Variants in SCAPER observed in about 807,000 individuals in gnomAD.
SCAPER encodes the protein S phase cyclin A-associated protein in the endoplasmic reticulum.
SCAPER carries 98 observed loss-of-function variants against 182.2 expected under a neutral mutation model. The observed-to-expected ratio is 0.54, with a 90% CI of 0.46 to 0.64. The LOEUF (loss-of-function observed/expected upper bound fraction) is 0.64, where lower values mean the gene tolerates loss of function less well. Ranked by LOEUF, SCAPER falls within the 30% of genes least tolerant of loss-of-function variation. The probability of loss-of-function intolerance (pLI) is 0.00; values close to 1 mark genes in which losing one functional copy is unlikely to be tolerated. For missense variants in SCAPER, 1,432 were observed against 1,690.0 expected (o/e 0.85, Z 2.68); for synonymous variants, 605 against 564.6 (o/e 1.07, Z -1.01).
intron 23 of SCAPER, among the ~76,000 whole-genome samples, chr15:76,573,788 G>T (rs116250802): frequency 0.011 from 1,603 of 152,110 alleles, 29 homozygotes; most frequent in African/African-American, 0.037. Context: ...AGGGGATATT[G>T]GTGTTTTGTA....
At chr15:76,528,502 C>T (rs1331336617) in intron 23 of SCAPER, among the ~76,000 whole-genome samples, 1 of 152,192 alleles carries the variant, frequency 6.6e-6, no homozygotes, top group Admixed American at 6.5e-5. Flanking sequence ...CTGAATGGCA[C>T]CACCATCCAT....
intron 21 of SCAPER, among the ~76,000 whole-genome samples, chr15:76,629,157 G>C (rs2052860061): frequency 6.6e-6 from 1 of 152,192 alleles, no homozygotes; most frequent in African/African-American, 2.4e-5. Context: ...GAAGCTTTTG[G>C]GCTGAGACAA....
intron 24 of SCAPER, among the ~76,000 whole-genome samples, chr15:76,494,576 T>C (rs908728205): frequency 3.5e-4 from 53 of 152,338 alleles, no homozygotes; most frequent in African/African-American, 1.2e-3. Flanking sequence ...GTGAAAGTTT[T>C]ATGTTCATAA....
At chr15:76,794,586 G>A (rs771387406) in intron 8 of SCAPER, among the ~76,000 whole-genome samples, 12 of 152,154 alleles carry the variant, frequency 7.9e-5, no homozygotes, top group Non-Finnish European at 1.3e-4. Flanking sequence ...TTTCTGAACC[G>A]AAAAGTTCCA....
intron 8 of SCAPER, among the ~76,000 whole-genome samples, chr15:76,782,223 CAG>C (rs764058972): frequency 1.3e-5 from 2 of 151,568 alleles, no homozygotes; most frequent in Non-Finnish European, 2.9e-5. Flanking sequence ...CAAAAAAAAA[CAG>C]GGGTTGCAAT....
chr15:76,877,851 T>C (rs978645402), intron 2 of SCAPER, among the ~76,000 whole-genome samples: 33 of 152,164 alleles, frequency 2.2e-4, no homozygotes, highest in Admixed American at 2.0e-3. Flanking sequence ...TAATGACAAA[T>C]TTTGAATATC....
intron 29 of SCAPER, among the ~76,000 whole-genome samples, chr15:76,372,528 A>G (rs936669450): frequency 1.3e-5 from 2 of 152,228 alleles, no homozygotes; most frequent in Non-Finnish European, 2.9e-5. Context: ...CAGCATCAGC[A>G]GAAAAACCGT....
chr15:76,496,557 T>C (rs2040566255), intron 24 of SCAPER, among the ~76,000 whole-genome samples: 1 of 152,206 alleles, frequency 6.6e-6, no homozygotes, highest in Non-Finnish European at 1.5e-5. Flanking sequence ...ATGTTCTTTT[T>C]AAGTGTGTTT....
intron 21 of SCAPER, among the ~76,000 whole-genome samples, chr15:76,641,179 C>A (rs2146378806): frequency 6.6e-6 from 1 of 152,288 alleles, no homozygotes; most frequent in East Asian, 1.9e-4. Context: ...GCAACTGTTA[C>A]TGCTGATTAA....
chr15:76,539,940 C>G (rs1401143484), intron 23 of SCAPER, among the ~76,000 whole-genome samples: 1 of 152,120 alleles, frequency 6.6e-6, no homozygotes, highest in Non-Finnish European at 1.5e-5. Flanking sequence ...TACTGAAACA[C>G]TGAAACAGCA....
intron 17 of SCAPER, among the ~76,000 whole-genome samples, chr15:76,712,528 C>A (rs1478018782): frequency 6.6e-6 from 1 of 152,156 alleles, no homozygotes; most frequent in Non-Finnish European, 1.5e-5. Flanking sequence ...TTACCTTGGG[C>A]AGTATGGCCA....
At chr15:76,635,433 A>G (rs1286032913) in intron 21 of SCAPER, among the ~76,000 whole-genome samples, 2 of 151,748 alleles carry the variant, frequency 1.3e-5, no homozygotes, top group East Asian at 3.9e-4. Flanking sequence ...CCAGGAATTG[A>G]TTTTTTTTTC....
chr15:76,613,189 T>C (rs1218411640), intron 22 of SCAPER, among the ~76,000 whole-genome samples: 1 of 152,130 alleles, frequency 6.6e-6, no homozygotes, highest in Non-Finnish European at 1.5e-5. Context: ...CCCTATTCAA[T>C]AAATGGTGTG....
At chr15:76,777,582 T>C (rs1028859108) in intron 8 of SCAPER, among the ~76,000 whole-genome samples, 9 of 152,132 alleles carry the variant, frequency 5.9e-5, no homozygotes, top group Non-Finnish European at 1.2e-4. Flanking sequence ...TAATCCGAGC[T>C]ACTTGGGAGA....
At chr15:76,551,021 C>G (rs1334015951) in intron 23 of SCAPER, among the ~76,000 whole-genome samples, 1 of 151,926 alleles carries the variant, frequency 6.6e-6, no homozygotes, top group African/African-American at 2.4e-5. Context: ...TCCTCTGACC[C>G]CATCTAGAAT....
intron 1 of SCAPER, among the ~76,000 whole-genome samples, chr15:76,888,169 T>G (rs1275360709): frequency 6.6e-6 from 1 of 152,222 alleles, no homozygotes; most frequent in Non-Finnish European, 1.5e-5. Flanking sequence ...AAACCTCATC[T>G]GTAGGTCACC....
At chr15:76,676,835 G>A (rs540467074) in intron 20 of SCAPER, among the ~76,000 whole-genome samples, 7 of 151,060 alleles carry the variant, frequency 4.6e-5, no homozygotes, top group Admixed American at 2.0e-4. Flanking sequence ...TGTTAATACA[G>A]CAGGCATTAC....
In SCAPER at chr15:76,817,813, A is replaced by T. The variant is rs75728384; in HGVS notation, c.394-13180T>A. On this transcript the variant is annotated intron_variant, in intron 5 of 31. Transcript: ENST00000563290. ...ATTAGGAAAACAACAAAACTCTGAT[A>T]AAAAAAATTAGAAAACTAAGTAAAT... 7.9e-3 allele frequency among the ~76,000 whole-genome samples: 1,201 copies of T among 152,132 alleles called. 11 individuals carry two copies. Among genetic ancestry groups the T allele is most frequent in the African/African-American group, 0.027 (1,137 of 41,526 alleles).
rs1178805765 is a variant in SCAPER at position 76,804,556 on chromosome 15, T to C, written c.471A>G (p.Leu157=). 3 of 1,611,132 alleles carry C rather than the reference T, an allele frequency of 1.9e-6. No homozygotes were observed. Among genetic ancestry groups the C allele is most frequent in the East Asian group, 4.5e-5 (2 of 44,786 alleles). The change falls in exon 6 of 32, where the codon CTA becomes CTG. Residue 157 remains leucine (L), a synonymous_variant. Transcript: ENST00000563290. ...LIDWIQLQEK[L]EKTDAQSRPT... The stretch of plus-strand genomic sequence containing the variant: ...ACCTGCTTTGAGCATCTGTCTTCTC[T>C]AGCTTTTCCTGAAGCTGAATCCAGT...
Sources: gnomAD v4.1 joint callset for allele counts (sites outside exome capture counted in the v4.1 genomes callset) on GRCh38, gnomAD v4.1.1 for gene constraint, MANE v1.5 for transcripts, NCBI Gene and HGNC (gene_info 2026-07-23, HGNC 2026-07-21) for gene names.